The following TSEN54 variants were observed in gnomAD, a reference collection of about 807,000 sequenced individuals.
TSEN54 encodes tRNA-splicing endonuclease subunit Sen54.
Under a neutral mutation model 61.9 loss-of-function variants are expected in TSEN54, and 55 were observed. The observed-to-expected ratio is 0.89, with a 90% CI of 0.72 to 1.11. The LOEUF is 1.11. Ranked by LOEUF, TSEN54 falls within the 50% of genes most tolerant of loss-of-function variation. The pLI, the probability that TSEN54 is intolerant of heterozygous loss-of-function variation, is 0.00. For synonymous variants in TSEN54, 304 were observed against 288.7 expected, an observed-to-expected ratio of 1.05 and a Z score of -0.54; for missense variants, 760 against 687.7, an observed-to-expected ratio of 1.11 and a Z score of -1.18.
chr17:75,522,398 A>C, intron 8 of TSEN54, 65 bp downstream of exon 8: 1 of 1,536,464 alleles, frequency 6.5e-7, no homozygotes, highest in Middle Eastern at 2.3e-4. Context: ...GGACTTTGGA[A>C]AGGGCATGGA....
rs892955609 is a variant in TSEN54, at chr17:75,517,452, G to A, written c.370-105G>A. The stretch of plus-strand genomic sequence containing the variant: ...TCCTGGTTGGCCACATTCTTGATGC[G>A]CTGCTGAGAGGGGGAGGGGGAGGTA... On this transcript the variant is annotated intron_variant, in intron 4 of 10. Coordinates refer to ENST00000333213, the MANE Select transcript of TSEN54 (RefSeq NM_207346.3). 4.9e-6 allele frequency: 6 copies of A among 1,223,630 alleles called. No homozygotes were observed. The African/African-American group carries it at 7.5e-5, about 15-fold the overall frequency. 75.8% of individuals were successfully genotyped at this position (1,223,630 alleles called of 1,614,324 possible).
rs769510921 is a variant in TSEN54, at chr17:75,522,128, C to T, written c.1047C>T (p.Ser349=). ...QKLNQRKEKL[S]RREREHHAEA... is the part of the protein sequence containing the mutation. ...TGAACCAGCGCAAGGAGAAGCTCTCCAGGCGGGAACGGGAGCACCACGCGG... is the reference window on the plus strand; with the variant it reads ...TGAACCAGCGCAAGGAGAAGCTCTCTAGGCGGGAACGGGAGCACCACGCGG... The change falls in exon 8 of 11, where the codon TCC becomes TCT. Residue 349 remains serine (S), a synonymous_variant. Transcript: ENST00000333213. 6.4e-7 allele frequency: 1 copy of T among 1,568,016 alleles called. No individual in the cohort carries two copies. The highest frequency in any genetic ancestry group is 1.2e-5 in the South Asian group (1 of 85,842).
chr17:75,524,459 T>C lies in TSEN54; in HGVS notation c.*47T>C, dbSNP rs1356117870. ...GGAGCTTGCTCCGGGGGACCGGGAC[T>C]GTCTGTTCTCAGGGACCATCTCGGC... On this transcript the variant is annotated 3_prime_UTR_variant, in exon 11 of 11. Transcript: ENST00000333213. 7.4e-6 allele frequency: 12 copies of C among 1,611,962 alleles called. No individual in the cohort carries two copies. Among genetic ancestry groups the C allele is most frequent in the Non-Finnish European group, 1.0e-5 (12 of 1,179,458 alleles).
chr17:75,524,182 C>T (rs140070555), intron 10 of TSEN54, 80 bp from the exon 11 acceptor site: 1,547 of 1,597,778 alleles, frequency 9.7e-4, no homozygotes, highest in Non-Finnish European at 1.2e-3. Flanking sequence ...CAACTCCTTC[C>T]GTAGAATCTC....
chr17:75,522,920 C>T (rs2053443905), intron 8 of TSEN54: 1 of 356,144 alleles, frequency 2.8e-6, no homozygotes, highest in Middle Eastern at 9.8e-4. Flanking sequence ...GTGGCTCATA[C>T]CCGTAATCCC....
At chr17:75,524,097 C>CGG (rs1228638270) in intron 10 of TSEN54, among the ~76,000 whole-genome samples, 165 bp from the exon 11 acceptor site, 1 of 152,232 alleles carries the variant, frequency 6.6e-6, no homozygotes, top group African/African-American at 2.4e-5. Flanking sequence ...ACCTCCCCAA[C>CGG]CAGTGCTCTG....
chr17:75,521,883 C>G lies in TSEN54; in HGVS notation c.802C>G (p.Pro268Ala), dbSNP rs757862450. ...FQLLGSLGPS[P>A]GPAREGVGCS... ...GCTTCTGGGGTCCCTGGGCCCCAGC[C>G]CTGGCCCGGCCAGGGAGGGGGTGGG... The change falls in exon 8 of 11, where the codon CCT becomes GCT. Residue 268 changes from proline to alanine, a missense_variant. Physicochemically the swap from Pro to Ala is conservative, Grantham distance 27. Coordinates refer to ENST00000333213, the MANE Select transcript of TSEN54 (RefSeq NM_207346.3). 20 of 1,609,926 alleles carry G rather than the reference C, an allele frequency of 1.2e-5. No individual in the cohort carries two copies. Among genetic ancestry groups the G allele is most frequent in the African/African-American group, 2.7e-5 (2 of 74,838 alleles).
In TSEN54 at chr17:75,523,717, C is replaced by T. The variant is rs138560086; in HGVS notation, c.1368C>T (p.Asp456=). 684 of 1,614,108 alleles carry T rather than the reference C, an allele frequency of 4.2e-4. 9 individuals are homozygous for T. In the East Asian group the frequency reaches 7.6e-3, roughly 18 times the overall value. ...TCATCTTTGATGTTTACCAGGCCGA[C>T]GCTGTGGCCACATTCCGAAAGAATA... ...LEIIFDVYQA[D]AVATFRKNNP... is the part of the protein sequence containing the mutation. Residue 456 remains aspartate (D), a synonymous_variant, in exon 10 of 11, where the codon GAC becomes GAT. Coordinates refer to ENST00000333213, the MANE Select transcript of TSEN54 (RefSeq NM_207346.3).
rs772057758 is a variant in TSEN54, at chr17:75,522,060, G to A, written c.979G>A (p.Val327Met). 5.0e-6 allele frequency: 8 copies of A among 1,588,314 alleles called. No homozygotes were observed. Among genetic ancestry groups the A allele is most frequent in the East Asian group, 4.6e-5 (2 of 43,306 alleles). The change falls in exon 8 of 11, where the codon GTG (valine) becomes ATG (methionine). Residue 327 changes from valine to methionine, a missense_variant. Val to Met is a conservative substitution (Grantham distance 21). Coordinates refer to ENST00000333213, the MANE Select transcript of TSEN54 (RefSeq NM_207346.3). ...AGCCCCAGAGCTGCTCCCGGCCAAC[G>A]TGGCTGGGCGGGAGACAGACGCTGA... Reference protein sequence around the residue: ...APAPELLPANVAGRETDAESW... With the variant: ...APAPELLPANMAGRETDAESW...
Position 75,516,834 on chromosome 17 carries a change from G to A in TSEN54, c.145G>A (p.Ala49Thr), listed in dbSNP as rs751116346. ...GPKDFLPDGS[A>T]AQAERLRRCR... ...CAAGGACTTTCTGCCCGACGGCTCG[G>A]CAGCTCAGGCCGAGCGGCTGCGCCG... The change falls in exon 2 of 11, where the codon GCA (alanine) becomes ACA (threonine). Residue 49 changes from alanine (A) to threonine (T), a missense_variant. Transcript: ENST00000333213. The A allele has an allele frequency of 2.6e-5, 41 of 1,588,910 alleles. No homozygotes were observed. Among genetic ancestry groups the A allele is most frequent in the Admixed American group, 3.4e-5 (2 of 59,366 alleles).
At chr17:75,522,428 G>C (rs1318304116) in intron 8 of TSEN54, 95 bp downstream of exon 8, 33 of 1,527,142 alleles carry the variant, frequency 2.2e-5, no homozygotes, top group Non-Finnish European at 2.6e-5. Flanking sequence ...ATGGATTGAG[G>C]CTTAAGGAAG....
At position 75,524,557 on chromosome 17, in the gene TSEN54, TCA is replaced by T. The variant is rs748658527; in HGVS notation, c.*148_*149del. 3.0e-6 allele frequency: 3 copies of T among 1,016,470 alleles called. No individual in the cohort carries two copies. The highest frequency in any genetic ancestry group is 3.6e-5 in the Admixed American group (2 of 55,046). 63.0% of individuals were successfully genotyped at this position (1,016,470 alleles called of 1,614,324 possible). A position where few individuals can be genotyped will look rare whatever the true frequency, so the allele number is the denominator to read the frequency against. On this transcript the variant is annotated 3_prime_UTR_variant, in exon 11 of 11. Transcript: ENST00000333213. The stretch of plus-strand genomic sequence containing the variant: ...GGCCTTGGCCCTGGGTGTCTGATAC[TCA>T]CAGAGTGAAACTGTGACCCTCTCCC...
Position 75,521,168 on chromosome 17 carries a change from AT to A in TSEN54, c.522-236del, listed in dbSNP as rs140440329. Among the ~76,000 whole-genome samples the A allele has an allele frequency of 3.7e-4, 56 of 152,324 alleles. 1 individual carries two copies. In the East Asian group the frequency reaches 9.9e-3, roughly 27 times the overall value. On this transcript the variant is annotated intron_variant, in intron 6 of 10. Coordinates refer to ENST00000333213, the MANE Select transcript of TSEN54 (RefSeq NM_207346.3). ...TTAACAATAGTTATCCAAGGTTTTT[AT>A]TTTTCTATATTTACCAAGTTTGCTA...
Position 75,524,535 on chromosome 17 carries a change from C to G in TSEN54, c.*123C>G, listed in dbSNP as rs2147020534. On this transcript the variant is annotated 3_prime_UTR_variant, in exon 11 of 11. Coordinates refer to ENST00000333213, the MANE Select transcript of TSEN54 (RefSeq NM_207346.3). ...TGTAGCTTCAGAGGCCAGTCTGGGC[C>G]TTGGCCCTGGGTGTCTGATACTCAC... 2 of 1,281,628 alleles carry G rather than the reference C, an allele frequency of 1.6e-6. No individual in the cohort carries two copies. Among genetic ancestry groups the G allele is most frequent in the Middle Eastern group, 1.8e-4 (1 of 5,438 alleles). 79.4% of individuals were successfully genotyped at this position (1,281,628 alleles called of 1,614,324 possible).
chr17:75,524,192 C>CAGAGA, intron 10 of TSEN54, 70 bp from the exon 11 acceptor site: 3 of 1,607,068 alleles, frequency 1.9e-6, no homozygotes, highest in Non-Finnish European at 2.6e-6. Context: ...CGTAGAATCT[C>CAGAGA]TTCTCTGGGA....
chr17:75,518,880 C>G, intron 5 of TSEN54, 115 bp from the exon 6 acceptor site: 1 of 1,592,988 alleles, frequency 6.3e-7, no homozygotes, highest in Non-Finnish European at 8.5e-7. Context: ...GGTTTAGAAT[C>G]TGGGGGTGTA....
chr17:75,521,695 C>T lies in TSEN54; in HGVS notation c.624-10C>T, dbSNP rs368876457. On this transcript the variant is annotated splice_polypyrimidine_tract_variant and intron_variant, in intron 7 of 10. Transcript: ENST00000333213. ...GGGCAGATGTGCTGCTTTTCCCCCA[C>T]GTCCCTCAGGTCCATTAATAAGAAG... is the stretch of plus-strand genomic sequence containing the variant. 1.8e-4 allele frequency: 295 copies of T among 1,612,654 alleles called. No individual in the cohort carries two copies. Among genetic ancestry groups the T allele is most frequent in the Non-Finnish European group, 2.3e-4 (274 of 1,179,546 alleles).
chr17:75,524,403 G>T lies in TSEN54; in HGVS notation c.1572G>T (p.Val524=). Residue 524 remains valine (V), a synonymous_variant, in exon 11 of 11, where the codon GTG becomes GTT. Coordinates refer to ENST00000333213, the MANE Select transcript of TSEN54 (RefSeq NM_207346.3). ...SFRDFTLPQD[V]GH is the part of the protein sequence containing the mutation. ...GGGACTTCACGTTGCCCCAGGATGTGGGGCACTGACCTCACAGCTCTGCAG... is the reference window on the plus strand; with the variant it reads ...GGGACTTCACGTTGCCCCAGGATGTTGGGCACTGACCTCACAGCTCTGCAG... 2 of 1,614,132 alleles carry T rather than the reference G, an allele frequency of 1.2e-6. No homozygotes were observed. The highest frequency in any genetic ancestry group is 1.3e-5 in the African/African-American group (1 of 75,066).
chr17:75,521,605 G>T (rs1480615782), intron 7 of TSEN54, 95 bp downstream of exon 7: 14 of 1,564,724 alleles, frequency 8.9e-6, no homozygotes, highest in Non-Finnish European at 1.1e-5. Context: ...CTCCCATGCA[G>T]GCTCAGGGAG....
Sources: allele counts gnomAD v4.1 joint callset (sites outside exome capture counted in the v4.1 genomes callset), GRCh38; gene constraint gnomAD v4.1.1; transcripts MANE v1.5; gene names NCBI Gene and HGNC (gene_info 2026-07-23, HGNC 2026-07-21).